Variants in PM20D1 observed in about 807,000 individuals in gnomAD.
PM20D1 encodes peptidase M20 domain containing 1.
In PM20D1, 53 loss-of-function variants were observed where a neutral mutation model predicts 53.8. That is an observed-to-expected ratio of 0.98 (90% CI 0.79 to 1.24). The LOEUF is 1.24. Among genes scored for constraint, PM20D1 ranks in the 50% most tolerant of loss-of-function variants. The probability of loss-of-function intolerance (pLI) is 0.00; values close to 1 mark genes in which losing one functional copy is unlikely to be tolerated. For missense variants in PM20D1, 564 were observed against 616.8 expected (o/e 0.91, Z 0.91); for synonymous variants, 239 against 241.3 (o/e 0.99, Z 0.09).
chr1:205,842,328 G>T, intron 7 of PM20D1, 113 bp from the exon 8 acceptor site: 1 of 947,382 alleles, frequency 1.1e-6, no homozygotes, highest in Non-Finnish European at 1.7e-6. Context: ...GCAGTCAGGA[G>T]TGCTGCTAAA....
intron 2 of PM20D1, among the ~76,000 whole-genome samples, chr1:205,847,006 CTTTTTTTTTTTT>C (rs778538865): frequency 5.6e-4 from 25 of 44,670 alleles, no homozygotes; most frequent in African/African-American, 1.7e-3. Flanking sequence ...TCCTTCCTTT[CTTTTTTTTTTTT>C]TTTTTTTTTT....
Position 205,844,262 on chromosome 1 carries a change from C to A in PM20D1, c.577-45G>T, listed in dbSNP as rs752786255. On this transcript the variant is annotated intron_variant, in intron 4 of 12. Coordinates refer to ENST00000367136, the MANE Select transcript of PM20D1 (RefSeq NM_152491.5). The stretch of plus-strand genomic sequence containing the variant: ...AGCTATAGTCCTTCTCAGCCAGAGA[C>A]AGACCTCCAGACATAGCTAATGGGG... The A allele has an allele frequency of 3.3e-6, 5 of 1,534,792 alleles. No homozygotes were observed. The South Asian group carries it at 6.3e-5, about 19-fold the overall frequency.
intron 10 of PM20D1, among the ~76,000 whole-genome samples, chr1:205,835,665 AAAAAAAAAAAAG>A (rs1292706463): frequency 2.2e-4 from 34 of 151,198 alleles, no homozygotes; most frequent in African/African-American, 7.7e-4. Flanking sequence ...AAAAAAAAAA[AAAAAAAAAAAAG>A]GTGTAATGTG....
chr1:205,830,622 A>G (rs1049340695), intron 11 of PM20D1, among the ~76,000 whole-genome samples: 1 of 151,330 alleles, frequency 6.6e-6, no homozygotes, highest in African/African-American at 2.4e-5. Context: ...TGTCTCACCA[A>G]TGCCCTTGGA....
intron 9 of PM20D1, among the ~76,000 whole-genome samples, chr1:205,840,937 GC>G (rs1656791720): frequency 6.6e-6 from 1 of 152,222 alleles, no homozygotes; most frequent in African/African-American, 2.4e-5. Flanking sequence ...CAGTGACTGA[GC>G]CAAGACAGAG....
chr1:205,830,177 C>T, intron 12 of PM20D1, 103 bp downstream of exon 12: 8 of 894,190 alleles, frequency 8.9e-6, no homozygotes, highest in Non-Finnish European at 1.4e-5. Flanking sequence ...CAAATCCTGG[C>T]TTTCCCCCTG....
Position 205,843,693 on chromosome 1 carries a change from A to G in PM20D1, c.801T>C (p.Ile267=), listed in dbSNP as rs1371969975. 6.2e-7 allele frequency: 1 copy of G among 1,614,006 alleles called. No homozygotes were observed. The highest frequency in any genetic ancestry group is 8.5e-7 in the Non-Finnish European group (1 of 1,180,032). ...HSSAPPKETS[I]GILAAAVSRL... ...GGCTGACAGCAGCTGCAAGGATGCC[A>G]ATGCTTGTCTCCTTTGGAGGAGCTG... Residue 267 remains isoleucine, a synonymous_variant, in exon 6 of 13, where the codon ATT becomes ATC. Coordinates refer to ENST00000367136, the MANE Select transcript of PM20D1 (RefSeq NM_152491.5).
intron 10 of PM20D1, among the ~76,000 whole-genome samples, chr1:205,837,979 T>G (rs1162641224): frequency 6.6e-6 from 1 of 152,112 alleles, no homozygotes; most frequent in East Asian, 1.9e-4. Context: ...GGGCTCACAT[T>G]GGTCCTAACT....
At chr1:205,834,423 C>T (rs982897680) in intron 10 of PM20D1, among the ~76,000 whole-genome samples, 2 of 152,166 alleles carry the variant, frequency 1.3e-5, no homozygotes, top group Non-Finnish European at 2.9e-5. Context: ...TCCCAAAGTG[C>T]TAGGACTACA....
Position 205,832,760 on chromosome 1 carries a change from C to T in PM20D1, c.1123G>A (p.Glu375Lys), listed in dbSNP as rs1656590630. The T allele has an allele frequency of 3.8e-6, 6 of 1,590,590 alleles. No individual in the cohort carries two copies. In the South Asian group the frequency reaches 5.7e-5, roughly 15 times the overall value. ...TCAGCCACAATGTTCTTCGTGAGTT[C>T]TAGGACCTCCAGGGTAGAAACAAAG... is the stretch of plus-strand genomic sequence containing the variant. ...HPGQTVQEVL[E>K]LTKNIVADNR... Residue 375 changes from glutamate to lysine, a missense_variant, in exon 11 of 13, where the codon GAA becomes AAA. By Grantham distance (56) the Glu-to-Lys change is moderately conservative. Coordinates refer to ENST00000367136, the MANE Select transcript of PM20D1 (RefSeq NM_152491.5).
intron 10 of PM20D1, among the ~76,000 whole-genome samples, chr1:205,837,251 A>G (rs2102525849): frequency 6.6e-6 from 1 of 152,380 alleles, no homozygotes; most frequent in East Asian, 1.9e-4. Context: ...AAGAAAGGAA[A>G]GAATCTTCTC....
At position 205,845,379 on chromosome 1, in the gene PM20D1, C is replaced by T. The variant is rs760752173; in HGVS notation, c.435G>A (p.Glu145=). ...CCCGACCATAGATGATGCCATCACG[C>T]TCCAACCCAGAGAATGGGGGCACCT... ...GWEVPPFSGL[E]RDGIIYGRGT... Residue 145 remains glutamate, a synonymous_variant, in exon 3 of 13, where the codon GAG becomes GAA. Transcript: ENST00000367136. 2.5e-6 allele frequency: 4 copies of T among 1,614,214 alleles called. No individual in the cohort carries two copies. Among genetic ancestry groups the T allele is most frequent in the Middle Eastern group, 1.6e-4 (1 of 6,062 alleles).
intron 3 of PM20D1, 62 bp from the exon 4 acceptor site, chr1:205,844,959 A>G: frequency 2.1e-6 from 3 of 1,417,246 alleles, no homozygotes; most frequent in South Asian, 2.3e-5. Context: ...ATACCAGGGT[A>G]TCAGAGACAT....
intron 7 of PM20D1, 23 bp from the exon 8 acceptor site, chr1:205,842,238 C>G (rs759350407): frequency 3.1e-6 from 5 of 1,599,166 alleles, no homozygotes; most frequent in African/African-American, 1.3e-5. Flanking sequence ...AAGGTCAGCA[C>G]CACAGGGTCA....
chr1:205,834,782 C>CGAA (rs1656644665), intron 10 of PM20D1, among the ~76,000 whole-genome samples: 1 of 152,156 alleles, frequency 6.6e-6, no homozygotes, highest in African/African-American at 2.4e-5. Flanking sequence ...CTCCAGAAAT[C>CGAA]GAAGAAGGCA....
At chr1:205,849,766 G>A in intron 1 of PM20D1, 138 bp downstream of exon 1, 1 of 1,093,536 alleles carries the variant, frequency 9.1e-7, no homozygotes, top group Non-Finnish European at 1.3e-6. Flanking sequence ...GAAGGGTGTT[G>A]GGGCCGGGCT....
At chr1:205,832,420 T>C (rs1350841351) in intron 11 of PM20D1, among the ~76,000 whole-genome samples, 178 bp downstream of exon 11, 1 of 151,844 alleles carries the variant, frequency 6.6e-6, no homozygotes, top group African/African-American at 2.4e-5. Flanking sequence ...TCTGTTCCTT[T>C]CCTGTTTGCG....
chr1:205,843,550 C>T (rs761929710), intron 6 of PM20D1, 117 bp downstream of exon 6: 14 of 1,427,216 alleles, frequency 9.8e-6, no homozygotes, highest in Non-Finnish European at 1.3e-5. Context: ...TTTTTTATAG[C>T]ATAGTTTCCC....
rs762732829 is a variant in PM20D1, at chr1:205,845,466, G to A, written c.348C>T (p.Ser116=). The A allele has an allele frequency of 3.1e-6, 5 of 1,614,250 alleles. No individual in the cohort carries two copies. In the South Asian group the frequency reaches 5.5e-5, roughly 18 times the overall value. Residue 116 remains serine, a synonymous_variant, in exon 3 of 13, where the codon AGC becomes AGT. Transcript: ENST00000367136. The part of the protein sequence containing the change: ...HLFTIQGSDP[S]LQPYLLMAHF... The stretch of plus-strand genomic sequence containing the variant: ...GAGCCATCAGCAGGTAGGGCTGCAA[G>A]CTGGGGTCCGAGCCTTGGATAGTGA...
Sources: allele counts gnomAD v4.1 joint callset (sites outside exome capture counted in the v4.1 genomes callset), GRCh38; gene constraint gnomAD v4.1.1; transcripts MANE v1.5; gene names NCBI Gene and HGNC (gene_info 2026-07-23, HGNC 2026-07-21).